Variants in TRPM2 observed in about 807,000 individuals in gnomAD.
TRPM2 encodes the protein estrogen-responsive element-associated gene 1 protein.
Under a neutral mutation model 174.0 loss-of-function variants are expected in TRPM2, and 161 were observed. That is an observed-to-expected ratio of 0.93 (90% CI 0.81 to 1.05). TRPM2 has a LOEUF of 1.05. TRPM2 is among the 50% of genes least tolerant of loss of function. The pLI is 0.00. For missense variants in TRPM2, 2,057 were observed against 2,038.0 expected (o/e 1.01, Z -0.18); for synonymous variants, 954 against 861.3 (o/e 1.11, Z -1.88).
chr21:44,369,137 T>A, intron 4 of TRPM2, 40 bp from the exon 5 acceptor site: 1 of 1,543,264 alleles, frequency 6.5e-7, no homozygotes, highest in Non-Finnish European at 8.8e-7. Flanking sequence ...CAGGTGCCCC[T>A]CAGTGCTGTG....
At chr21:44,393,581 C>A (rs946337211) in intron 11 of TRPM2, among the ~76,000 whole-genome samples, 1 of 152,092 alleles carries the variant, frequency 6.6e-6, no homozygotes, top group Non-Finnish European at 1.5e-5. Flanking sequence ...TCCTTCTCCG[C>A]TCCAGGACAG....
At chr21:44,375,811 TG>T in intron 5 of TRPM2, 21 bp from the exon 6 acceptor site, 1 of 1,599,622 alleles carries the variant, frequency 6.3e-7, no homozygotes, top group Non-Finnish European at 8.5e-7. Flanking sequence ...AAGCAGTGTC[TG>T]ACGCTTCCTG....
At chr21:44,416,620 G>A (rs1410003069) in intron 20 of TRPM2, 6 of 186,682 alleles carry the variant, frequency 3.2e-5, no homozygotes, top group Non-Finnish European at 5.6e-5. Context: ...TTATAATATC[G>A]AAAGTCTGTG....
rs1358966100 is a variant in TRPM2 at position 44,391,279 on chromosome 21, A to T, written c.1448A>T (p.Asp483Val). 9 of 1,613,320 alleles carry T rather than the reference A, an allele frequency of 5.6e-6. No homozygotes were observed. Among genetic ancestry groups the T allele is most frequent in the African/African-American group, 1.3e-5 (1 of 74,932 alleles). The change falls in exon 11 of 32, where the codon GAT becomes GTT. Residue 483 changes from aspartate to valine, a missense_variant. Transcript: ENST00000397928. The surrounding 1 kb of genome is among the most constrained non-coding windows in gnomAD (Gnocchi z 5.0). Reference protein sequence around the residue: ...FMDEWQWKPSDLHPTMTAALI... With the variant: ...FMDEWQWKPSVLHPTMTAALI... The stretch of plus-strand genomic sequence containing the variant: ...CACAATGCTTGCTCTCAGCCTTCAG[A>T]TCTGCACCCCACGATGACAGCTGCA...
chr21:44,354,745 C>T lies in TRPM2; in HGVS notation c.254+9C>T, dbSNP rs764007734. On this transcript the variant is annotated intron_variant, in intron 2 of 31. Coordinates refer to ENST00000397928, the MANE Select transcript of TRPM2 (RefSeq NM_003307.4). The surrounding 1 kb of genome is among the most constrained non-coding windows in gnomAD (Gnocchi z 4.3). ...AAACTGTCTGATGCTGGGTAAGTGA[C>T]GTGATTTGTGTGTAAGACCTCTGAC... 1.7e-5 allele frequency: 27 copies of T among 1,613,488 alleles called. No homozygotes were observed. Among genetic ancestry groups the T allele is most frequent in the East Asian group, 8.9e-5 (4 of 44,890 alleles).
intron 12 of TRPM2, among the ~76,000 whole-genome samples, chr21:44,396,594 G>A (rs1227976436): frequency 1.2e-4 from 6 of 48,454 alleles, no homozygotes; most frequent in African/African-American, 6.4e-4. Flanking sequence ...GGGGTGTAGA[G>A]GGGTGTAGAG....
At chr21:44,357,995 C>T (rs753745489) in intron 2 of TRPM2, among the ~76,000 whole-genome samples, 9 of 152,196 alleles carry the variant, frequency 5.9e-5, no homozygotes, top group Admixed American at 2.0e-4. Context: ...CAGGGCGGAA[C>T]GAGTGGTGAG....
Position 44,400,372 on chromosome 21 carries a change from G to A in TRPM2, c.2321+1G>A. ...TCCTCACCGGCCTCATCTCCTTCAG[G>A]TGCTGCAGGGCTGCGGGGCTGCGGG... On this transcript the variant is annotated splice_donor_variant, in intron 15 of 31. Coordinates refer to ENST00000397928, the MANE Select transcript of TRPM2 (RefSeq NM_003307.4). LOFTEE classifies it high-confidence loss of function. The A allele has an allele frequency of 1.2e-6, 2 of 1,609,884 alleles. No individual in the cohort carries two copies. Among genetic ancestry groups the A allele is most frequent in the South Asian group, 2.2e-5 (2 of 90,836 alleles).
chr21:44,353,165 G>C (rs2047954947), upstream of TRPM2: 1 of 152,284 alleles, frequency 6.6e-6, no homozygotes. Flanking sequence ...CAAAAAACAA[G>C]AAGAAAAAGA....
At position 44,440,883 on chromosome 21, in the gene TRPM2, T is replaced by C; in HGVS notation, c.4364T>C (p.Val1455Ala). ...GTCCACTTCCAGGACCAGAATGACG[T>C]GGAGCTGAACAGGCTGAACTCTGTA... ...VSVHFQDQND[V>A]ELNRLNSNLH... The change falls in exon 31 of 32, where the codon GTG becomes GCG. Residue 1455 changes from valine (V) to alanine (A), a missense_variant. By Grantham distance (64) the Val-to-Ala change is moderately conservative (BLOSUM62 0). Coordinates refer to ENST00000397928, the MANE Select transcript of TRPM2 (RefSeq NM_003307.4). 6.2e-7 allele frequency: 1 copy of C among 1,613,768 alleles called. No homozygotes were observed. Among genetic ancestry groups the C allele is most frequent in the Non-Finnish European group, 8.5e-7 (1 of 1,179,910 alleles).
At position 44,384,830 on chromosome 21, in the gene TRPM2, T is replaced by C. The variant is rs554059096; in HGVS notation, c.1318+2010T>C. Among the ~76,000 whole-genome samples the C allele has an allele frequency of 2.0e-5, 3 of 152,346 alleles. No homozygotes were observed. In the East Asian group the frequency reaches 5.8e-4, roughly 29 times the overall value. On this transcript the variant is annotated intron_variant, in intron 9 of 31. Transcript: ENST00000397928. ...ATAAAAAATCTCCCCATAAAAGTTTTAGGGCTGATAGCTTCACTGGTGAAT... is the reference window on the plus strand; with the variant it reads ...ATAAAAAATCTCCCCATAAAAGTTTCAGGGCTGATAGCTTCACTGGTGAAT...
intron 30 of TRPM2, among the ~76,000 whole-genome samples, chr21:44,440,300 C>A: frequency 7.6e-5 from 1 of 13,180 alleles, no homozygotes; most frequent in Admixed American, 1.0e-3. Context: ...TGCACCACTG[C>A]GCTCAAAAAA....
At chr21:44,431,766 A>G (rs1404610268) in intron 27 of TRPM2, among the ~76,000 whole-genome samples, 1 of 152,268 alleles carries the variant, frequency 6.6e-6, no homozygotes, top group South Asian at 2.1e-4. Context: ...GTGAGCCACT[A>G]TGCCTGGTCA....
chr21:44,354,526 C>T lies in TRPM2; in HGVS notation c.166-122C>T, dbSNP rs2048000789. ...TTCTAATCTTTGGCTCAGGGTCGCG[C>T]AGGCTTCCTTCCTTCAAGCAAATAG... On this transcript the variant is annotated intron_variant, in intron 1 of 31. Transcript: ENST00000397928. The surrounding 1 kb of genome is among the most constrained non-coding windows in gnomAD (Gnocchi z 4.3). The T allele has an allele frequency of 1.2e-6, 1 of 820,674 alleles. No individual in the cohort carries two copies. Among genetic ancestry groups the T allele is most frequent in the Non-Finnish European group, 2.0e-6 (1 of 493,674 alleles). 50.8% of individuals were successfully genotyped at this position (820,674 alleles called of 1,614,324 possible).
rs559024635 is a variant in TRPM2, at chr21:44,360,594, T to G, written c.255-3520T>G. ...TTTTTTTTTTTTTTTTGAGATGGAG[T>G]TTTGCTCTGCTGCCCAGGCTGGAGT... On this transcript the variant is annotated intron_variant, in intron 2 of 31. Transcript: ENST00000397928. Among the ~76,000 whole-genome samples, 193 of 149,218 alleles carry G rather than the reference T, an allele frequency of 1.3e-3. 1 individual carries two copies. Among genetic ancestry groups the G allele is most frequent in the Non-Finnish European group, 2.1e-3 (141 of 67,334 alleles).
chr21:44,430,764 A>G (rs2050991341), intron 27 of TRPM2, among the ~76,000 whole-genome samples: 2 of 152,200 alleles, frequency 1.3e-5, no homozygotes, highest in South Asian at 4.1e-4. Flanking sequence ...ATCTTCCATA[A>G]TGATTTTTCG....
In TRPM2 at chr21:44,400,109, G is replaced by A. The variant is rs1264273558; in HGVS notation, c.2209-150G>A. 7.9e-6 allele frequency: 5 copies of A among 635,184 alleles called. No homozygotes were observed. The African/African-American group carries it at 9.2e-5, about 12-fold the overall frequency. 39.3% of individuals were successfully genotyped at this position (635,184 alleles called of 1,614,324 possible). On this transcript the variant is annotated intron_variant, in intron 14 of 31. Coordinates refer to ENST00000397928, the MANE Select transcript of TRPM2 (RefSeq NM_003307.4). ...GCGGGATTGGACACCCAAAGCCCCA[G>A]GGCAAGCTCTGTGTCTTCACCACTT...
intron 9 of TRPM2, among the ~76,000 whole-genome samples, chr21:44,383,522 C>T (rs1202036842): frequency 1.3e-5 from 2 of 152,232 alleles, no homozygotes; most frequent in Non-Finnish European, 2.9e-5. Context: ...CATCTTGTTT[C>T]TGTGTTGATT....
chr21:44,433,351 G>T (rs923492327), intron 27 of TRPM2, among the ~76,000 whole-genome samples: 1 of 152,250 alleles, frequency 6.6e-6, no homozygotes, highest in African/African-American at 2.4e-5. Flanking sequence ...AGCACGAACA[G>T]CAGTTACAGG....
Sources: gnomAD v4.1 joint callset for allele counts (sites outside exome capture counted in the v4.1 genomes callset) on GRCh38, gnomAD v4.1.1 for gene constraint, Gnocchi (gnomAD v3.1) non-coding constraint, MANE v1.5 for transcripts, NCBI Gene and HGNC (gene_info 2026-07-23, HGNC 2026-07-21) for gene names.